EFCC1: variants seen among roughly 807,000 people sequenced by gnomAD.
EFCC1 encodes the protein EF-hand and coiled-coil domain containing 1.
EFCC1 carries 50 observed loss-of-function variants against 52.1 expected under a neutral mutation model. The observed-to-expected ratio is 0.96, with a 90% confidence interval of 0.76 to 1.21. EFCC1 has a LOEUF of 1.21. Among genes scored for constraint, EFCC1 ranks in the 50% most tolerant of loss-of-function variants. EFCC1 has a pLI of 0.00. For synonymous variants in EFCC1, 399 were observed against 396.5 expected (o/e 1.01, Z -0.08); for missense variants, 837 against 867.3 (o/e 0.97, Z 0.44).
At position 129,003,789 on chromosome 3, in the gene EFCC1, C is replaced by T. The variant is rs1944920952; in HGVS notation, c.697-5C>T. The T allele has an allele frequency of 6.9e-7, 1 of 1,440,406 alleles. No homozygotes were observed. Among genetic ancestry groups the T allele is most frequent in the East Asian group, 3.0e-5 (1 of 33,004 alleles). The allele number at this position is 1,440,406 out of a possible 1,614,324, so 89.2% of individuals were successfully genotyped here. On this transcript the variant is annotated splice_polypyrimidine_tract_variant and splice_region_variant and intron_variant, in intron 1 of 7. Transcript: ENST00000683648. ...CCCCCTGCCCCTGCTGCCCTGTCCC[C>T]GCAGGTCGGACTCTGGAAGAGCCAG...
At chr3:129,004,205 ATTC>A in intron 2 of EFCC1, 128 bp downstream of exon 2, 1 of 1,161,064 alleles carries the variant, frequency 8.6e-7, no homozygotes, top group Non-Finnish European at 1.1e-6. Flanking sequence ...TTATTCATGT[ATTC>A]TTTCATTCCT....
At position 129,014,543 on chromosome 3, in the gene EFCC1, GACCTCATTTTAACTTGATT is replaced by G. The variant is rs1265401633; in HGVS notation, c.980+10475_980+10493del. Among the ~76,000 whole-genome samples the G allele has an allele frequency of 6.6e-6, 1 of 152,190 alleles. No individual in the cohort carries two copies. The highest frequency in any genetic ancestry group is 1.5e-5 in the Non-Finnish European group (1 of 68,030). On this transcript the variant is annotated intron_variant, in intron 2 of 7. Transcript: ENST00000683648. This position sits in a 1 kb window ranked among gnomAD's most constrained non-coding sequence, Gnocchi z 4.3. ...AGACTGGATTAGGGCCCACCCTAAAGACCTCATTTTAACTTGATTACCTCATTAAAGGTCCCATCGCCAA... is the reference window on the plus strand; with the variant it reads ...AGACTGGATTAGGGCCCACCCTAAAGACCTCATTAAAGGTCCCATCGCCAA...
rs1473686808 is a variant in EFCC1 at position 129,002,239 on chromosome 3, A to C, written c.611A>C (p.Glu204Ala). The change falls in exon 1 of 8, where the codon GAG (glutamate) becomes GCG (alanine). Residue 204 changes from glutamate (E) to alanine (A), a missense_variant. By Grantham distance (107) the Glu-to-Ala change is moderately radical. Coordinates refer to ENST00000683648, the MANE Select transcript of EFCC1 (RefSeq NM_001377500.1). ...GACTGTGAGCGCGTTGCGCGGCTGG[A>C]GGAGGAGAATAGCAGCTTGCGCGAG... ...GPDCERVARL[E>A]EENSSLRELV... 6.5e-7 allele frequency: 1 copy of C among 1,529,440 alleles called. No homozygotes were observed. Among genetic ancestry groups the C allele is most frequent in the East Asian group, 2.5e-5 (1 of 39,592 alleles). 94.7% of individuals were successfully genotyped at this position (1,529,440 alleles called of 1,614,324 possible).
At chr3:129,033,603 G>A (rs371962954) in intron 4 of EFCC1, among the ~76,000 whole-genome samples, 1 of 152,240 alleles carries the variant, frequency 6.6e-6, no homozygotes, top group African/African-American at 2.4e-5. Context: ...ATTTTCTGGG[G>A]TTGTTTTTAC....
rs1259991274 is a variant in EFCC1, at chr3:129,032,977, C to T, written c.1286+11C>T. ...CAGCTGCAGAGGCAGGTGTGTGGCC[C>T]GTCCAGCGTCAGCCACTGTGGGCCG... On this transcript the variant is annotated intron_variant, in intron 4 of 7. Transcript: ENST00000683648. 1.8e-5 allele frequency: 27 copies of T among 1,520,778 alleles called. No homozygotes were observed. Among genetic ancestry groups the T allele is most frequent in the Admixed American group, 6.2e-5 (3 of 48,702 alleles). The allele number at this position is 1,520,778 out of a possible 1,614,324, so 94.2% of individuals were successfully genotyped here. A position where few individuals can be genotyped will look rare whatever the true frequency, so the allele number is the denominator to read the frequency against.
At chr3:129,028,651 T>C (rs56133909) in intron 2 of EFCC1, among the ~76,000 whole-genome samples, 55,346 of 151,632 alleles carry the variant, frequency 0.37, 10,778 homozygotes, top group Middle Eastern at 0.5. Flanking sequence ...CTTTTTTTTT[T>C]CTTTTCTTTT....
chr3:129,001,909 C>A lies in EFCC1; in HGVS notation c.281C>A (p.Thr94Asn), dbSNP rs1271030770. The A allele has an allele frequency of 1.3e-6, 2 of 1,538,628 alleles. No homozygotes were observed. The highest frequency in any genetic ancestry group is 1.8e-6 in the Non-Finnish European group (2 of 1,141,104). ...CTGGGGCTGCGCGCGGAGGGGGCCA[C>A]CACGGCCGGGCAGGCAGCAGGTGAC... ...AVLGLRAEGA[T>N]TAGQAAGDGN... is the part of the protein sequence containing the mutation. The change falls in exon 1 of 8, where the codon ACC becomes AAC. Residue 94 changes from threonine (T) to asparagine (N), a missense_variant. Thr to Asn is a moderately conservative substitution (Grantham distance 65, BLOSUM62 0). Coordinates refer to ENST00000683648, the MANE Select transcript of EFCC1 (RefSeq NM_001377500.1).
intron 2 of EFCC1, among the ~76,000 whole-genome samples, chr3:129,028,975 A>G (rs1165214390): frequency 6.6e-6 from 1 of 152,130 alleles, no homozygotes; most frequent in East Asian, 1.9e-4. Flanking sequence ...TTCGTGCAGC[A>G]GAGCACTCTC....
chr3:129,038,028 C>T (rs1946378008), intron 6 of EFCC1, among the ~76,000 whole-genome samples: 1 of 151,230 alleles, frequency 6.6e-6, no homozygotes, highest in Non-Finnish European at 1.5e-5. Flanking sequence ...TGTGCCACTG[C>T]ACTCCAGCCT....
intron 4 of EFCC1, 88 bp from the exon 5 acceptor site, chr3:129,034,076 C>G (rs1221655027): frequency 1.9e-6 from 3 of 1,561,066 alleles, no homozygotes; most frequent in African/African-American, 2.7e-5. Flanking sequence ...AGGAGGCCAA[C>G]TCCACACCAC....
chr3:129,015,155 T>C (rs1428096454), intron 2 of EFCC1, among the ~76,000 whole-genome samples: 2 of 152,142 alleles, frequency 1.3e-5, no homozygotes, highest in Non-Finnish European at 2.9e-5. Flanking sequence ...TGACTGTGAG[T>C]GACCAGGCCC....
chr3:129,023,565 C>T (rs1337936965), intron 2 of EFCC1, among the ~76,000 whole-genome samples: 1 of 152,164 alleles, frequency 6.6e-6, no homozygotes, highest in East Asian at 1.9e-4. Flanking sequence ...ACCTCCTGAC[C>T]TCATGATCCA....
At chr3:129,012,700 A>G (rs774325969) in intron 2 of EFCC1, among the ~76,000 whole-genome samples, 15 of 152,198 alleles carry the variant, frequency 9.9e-5, no homozygotes, top group Non-Finnish European at 1.0e-4. Flanking sequence ...GTGGCCATAG[A>G]AGTGGGACAA....
At chr3:129,029,423 G>A (rs772675533) in intron 2 of EFCC1, among the ~76,000 whole-genome samples, 4 of 152,120 alleles carry the variant, frequency 2.6e-5, no homozygotes, top group Admixed American at 6.5e-5. Flanking sequence ...AAAGGCTTTC[G>A]GGGGCAAGGA....
chr3:129,028,391 T>C (rs1281851437), intron 2 of EFCC1, among the ~76,000 whole-genome samples: 1 of 151,998 alleles, frequency 6.6e-6, no homozygotes, highest in East Asian at 1.9e-4. Flanking sequence ...GTCTAGCCAT[T>C]TCATTCTTAA....
At chr3:129,016,483 G>A (rs1287102876) in intron 2 of EFCC1, among the ~76,000 whole-genome samples, 6 of 151,470 alleles carry the variant, frequency 4.0e-5, no homozygotes, top group African/African-American at 1.5e-4. Context: ...GCAGGCAGGT[G>A]GAGCTCATGG....
intron 2 of EFCC1, among the ~76,000 whole-genome samples, chr3:129,026,480 CAAG>C (rs1444872684): frequency 6.6e-6 from 1 of 152,212 alleles, no homozygotes; most frequent in African/African-American, 2.4e-5. Flanking sequence ...CCTCCTCTGC[CAAG>C]AAGCTCACTG....
chr3:129,028,719 T>G (rs1283732185), intron 2 of EFCC1, among the ~76,000 whole-genome samples: 1 of 151,950 alleles, frequency 6.6e-6, no homozygotes, highest in African/African-American at 2.4e-5. Context: ...CTCAGCTCAC[T>G]GCAACCTCCG....
intron 3 of EFCC1, 91 bp from the exon 4 acceptor site, chr3:129,032,728 C>G (rs983012734): frequency 3.4e-6 from 5 of 1,476,706 alleles, no homozygotes; most frequent in African/African-American, 1.4e-5. Context: ...CAAGAGCCCT[C>G]CCCTGGGGCT....
Sources: allele counts gnomAD v4.1 joint callset (sites outside exome capture counted in the v4.1 genomes callset), GRCh38; gene constraint gnomAD v4.1.1; non-coding constraint Gnocchi (gnomAD v3.1); transcripts MANE v1.5; gene names NCBI Gene and HGNC (gene_info 2026-07-23, HGNC 2026-07-21).